Variants in DHX9 observed in about 807,000 individuals in gnomAD.
DHX9 encodes the protein ATP-dependent RNA helicase A.
In DHX9, 27 loss-of-function variants were observed where a neutral mutation model predicts 148.7. The observed-to-expected ratio is 0.18, with a 90% confidence interval of 0.13 to 0.25. The LOEUF is 0.25. DHX9 is among the 10% of genes least tolerant of loss of function. The pLI is 1.00. For missense variants in DHX9, 796 were observed against 1,559.6 expected (o/e 0.51, Z 8.25); for synonymous variants, 529 against 516.6 (o/e 1.02, Z -0.33).
At chr1:182,886,927 T>G (rs934297486) in intron 27 of DHX9, among the ~76,000 whole-genome samples, 156 bp from the exon 28 acceptor site, 1 of 152,236 alleles carries the variant, frequency 6.6e-6, no homozygotes, top group Non-Finnish European at 1.5e-5. Context: ...ATGACTGTTT[T>G]AGAATAGCAG....
chr1:182,861,422 T>C (rs1246148230), intron 12 of DHX9, among the ~76,000 whole-genome samples: 4 of 152,216 alleles, frequency 2.6e-5, no homozygotes, highest in Non-Finnish European at 4.4e-5. Context: ...ATTCTTACTC[T>C]TAATTCTTAC....
chr1:182,884,044 G>A (rs753357732), intron 26 of DHX9, among the ~76,000 whole-genome samples: 3 of 152,066 alleles, frequency 2.0e-5, no homozygotes, highest in Non-Finnish European at 2.9e-5. Flanking sequence ...GGCTGGGTGC[G>A]GCACATCACT....
At chr1:182,870,871 GTTAATT>G (rs1296351831) in intron 14 of DHX9, among the ~76,000 whole-genome samples, 11 of 152,136 alleles carry the variant, frequency 7.2e-5, no homozygotes, top group African/African-American at 2.7e-4. Context: ...ACAACACGCA[GTTAATT>G]TTAAGTTACA....
intron 14 of DHX9, among the ~76,000 whole-genome samples, chr1:182,868,077 A>G (rs1322829686): frequency 2.0e-5 from 3 of 152,218 alleles, no homozygotes; most frequent in African/African-American, 7.2e-5. Context: ...AACACAAGAC[A>G]TCACTTCAGA....
At chr1:182,870,735 G>A (rs115070970) in intron 14 of DHX9, among the ~76,000 whole-genome samples, 2 of 152,120 alleles carry the variant, frequency 1.3e-5, no homozygotes, top group African/African-American at 2.4e-5. Flanking sequence ...AATAAGCATC[G>A]TCTAGACAGT....
At chr1:182,868,988 G>A (rs1034522397) in intron 14 of DHX9, among the ~76,000 whole-genome samples, 2 of 152,068 alleles carry the variant, frequency 1.3e-5, no homozygotes, top group African/African-American at 4.8e-5. Context: ...TAACTTAATT[G>A]ACAAATGTTT....
intron 27 of DHX9, among the ~76,000 whole-genome samples, chr1:182,886,065 C>T (rs1235566949): frequency 6.6e-6 from 1 of 151,928 alleles, no homozygotes; most frequent in Non-Finnish European, 1.5e-5. Context: ...GGAGATGTGA[C>T]TGGATTAGAC....
At chr1:182,860,813 A>G (rs1235668619) in intron 12 of DHX9, among the ~76,000 whole-genome samples, 3 of 152,210 alleles carry the variant, frequency 2.0e-5, no homozygotes, top group Middle Eastern at 3.2e-3. Context: ...TTGTCCCAGT[A>G]CTTAGGGAAG....
At chr1:182,859,173 T>TG in intron 11 of DHX9, 56 bp downstream of exon 11, 1 of 1,526,378 alleles carries the variant, frequency 6.6e-7, no homozygotes, top group Non-Finnish European at 9.1e-7. Flanking sequence ...GTTCTAGGTA[T>TG]GGGTAAAAAG....
In DHX9 at chr1:182,880,616, C is replaced by G. The variant is rs753543319; in HGVS notation, c.2624+8C>G. The G allele has an allele frequency of 1.3e-6, 2 of 1,556,374 alleles. No homozygotes were observed. The highest frequency in any genetic ancestry group is 1.1e-5 in the South Asian group (1 of 89,626). On this transcript the variant is annotated splice_region_variant and intron_variant, in intron 22 of 27. Transcript: ENST00000367549. ...AATGGGGTGTATTTTCTAGTAAGTG[C>G]TTTGTTTTATTTCTCTTCGTTAAGT... is the stretch of plus-strand genomic sequence containing the variant.
chr1:182,887,495 AC>A lies in DHX9; in HGVS notation c.*62del, dbSNP rs1379815107. The A allele has an allele frequency of 6.3e-6, 9 of 1,438,810 alleles. No individual in the cohort carries two copies. The highest frequency in any genetic ancestry group is 2.6e-5 in the South Asian group (2 of 77,572). 89.1% of individuals were successfully genotyped at this position (1,438,810 alleles called of 1,614,324 possible). A position where few individuals can be genotyped will look rare whatever the true frequency, so the allele number is the denominator to read the frequency against. Reference sequence around the variant, plus strand: ...AGGAAAAAAAGGCATGCTATGTGTTACGTGTTTTTTCCAGTATGTTTATTTG... The same window carrying A: ...AGGAAAAAAAGGCATGCTATGTGTTAGTGTTTTTTCCAGTATGTTTATTTG... On this transcript the variant is annotated 3_prime_UTR_variant, in exon 28 of 28. Coordinates refer to ENST00000367549, the MANE Select transcript of DHX9 (RefSeq NM_001357.5).
At chr1:182,862,072 ACTT>A (rs149616736) in intron 12 of DHX9, among the ~76,000 whole-genome samples, 11,849 of 152,160 alleles carry the variant, frequency 0.078, 1,206 homozygotes, top group African/African-American at 0.24. Context: ...AATATACTGT[ACTT>A]CTTTTGGCAC....
rs1649379247 is a variant in DHX9, at chr1:182,887,333, A to G, written c.3712A>G (p.Ser1238Gly). 1 of 1,614,104 alleles carries G rather than the reference A, an allele frequency of 6.2e-7. No individual in the cohort carries two copies. Among genetic ancestry groups the G allele is most frequent in the Non-Finnish European group, 8.5e-7 (1 of 1,179,998 alleles). Residue 1238 changes from serine to glycine, a missense_variant, in exon 28 of 28, where the codon AGT (serine) becomes GGT (glycine). Coordinates refer to ENST00000367549, the MANE Select transcript of DHX9 (RefSeq NM_001357.5). ...GNSGGDYRGP[S>G]GGYRGSGGFQ... ...CTCTGGAGGAGACTACAGAGGGCCT[A>G]GTGGAGGCTACAGAGGATCTGGGGG...
rs58198758 is a variant in DHX9, at chr1:182,849,992, CT to C, written c.253-2231del. 7.4e-3 allele frequency among the ~76,000 whole-genome samples: 787 copies of C among 107,068 alleles called. 7 individuals are homozygous for C. Among genetic ancestry groups the C allele is most frequent in the African/African-American group, 0.02 (655 of 32,386 alleles). The allele number at this position is 107,068 out of a possible 152,430, so 70.2% of individuals were successfully genotyped here. ...AAAGTGTACACACGTACCCCCCCCC[CT>C]TTTTTTTTTAATTTCATCAGCGTTC... On this transcript the variant is annotated intron_variant, in intron 3 of 27. Coordinates refer to ENST00000367549, the MANE Select transcript of DHX9 (RefSeq NM_001357.5).
chr1:182,876,158 A>C lies in DHX9; in HGVS notation c.1924A>C (p.Lys642Gln). Residue 642 changes from lysine to glutamine, a missense_variant, in exon 17 of 28, where the codon AAG (lysine) becomes CAG (glutamine). Lys to Gln is a moderately conservative substitution (Grantham distance 53, BLOSUM62 1). Coordinates refer to ENST00000367549, the MANE Select transcript of DHX9 (RefSeq NM_001357.5). Reference protein sequence around the residue: ...TPFELIEALLKYIETLNVPGA... With the variant: ...TPFELIEALLQYIETLNVPGA... ...TTTTGAACTCATCGAGGCTCTACTT[A>C]AGTACATTGAAACCCTTAATGTTCC... 6 of 1,614,028 alleles carry C rather than the reference A, an allele frequency of 3.7e-6. No homozygotes were observed. Among genetic ancestry groups the C allele is most frequent in the Non-Finnish European group, 5.1e-6 (6 of 1,179,898 alleles).
intron 15 of DHX9, 99 bp from the exon 16 acceptor site, chr1:182,874,755 G>A: frequency 2.2e-6 from 2 of 891,852 alleles, no homozygotes; most frequent in Admixed American, 1.9e-5. Context: ...GACTAGAGGG[G>A]TATTAAAGTA....
intron 7 of DHX9, 124 bp from the exon 8 acceptor site, chr1:182,857,980 G>C: frequency 3.2e-6 from 3 of 936,100 alleles, no homozygotes; most frequent in Non-Finnish European, 4.7e-6. Flanking sequence ...AAAGGAACTA[G>C]AAGCCATGGC....
intron 27 of DHX9, 125 bp downstream of exon 27, chr1:182,884,938 A>G: frequency 3.7e-6 from 3 of 801,604 alleles, no homozygotes; most frequent in South Asian, 3.5e-5. Context: ...AGATAGAGCT[A>G]TATAGATAGA....
chr1:182,864,380 G>T (rs1362344260), intron 12 of DHX9, among the ~76,000 whole-genome samples: 1 of 152,182 alleles, frequency 6.6e-6, no homozygotes, highest in Non-Finnish European at 1.5e-5. Context: ...ACCATACCGG[G>T]CTTAAAGATT....
Sources: allele counts gnomAD v4.1 joint callset (sites outside exome capture counted in the v4.1 genomes callset), GRCh38; gene constraint gnomAD v4.1.1; transcripts MANE v1.5; gene names NCBI Gene and HGNC (gene_info 2026-07-23, HGNC 2026-07-21).